ARHGAP32: variants seen among roughly 807,000 people sequenced by gnomAD.
ARHGAP32 encodes the protein rho GTPase-activating protein 32.
In ARHGAP32, 51 loss-of-function variants were observed where a neutral mutation model predicts 186.5. The ratio of observed to expected loss-of-function variants is 0.27; its 90% confidence interval spans 0.22 to 0.35. The LOEUF (loss-of-function observed/expected upper bound fraction) is 0.35, where lower values mean the gene tolerates loss of function less well. Among genes scored for constraint, ARHGAP32 ranks in the 10% least tolerant of loss-of-function variants. The pLI is 1.00. For synonymous variants in ARHGAP32, 950 were observed against 964.3 expected (o/e 0.99, Z 0.27); for missense variants, 2,186 against 2,623.5 (o/e 0.83, Z 3.64).
intron 5 of ARHGAP32, among the ~76,000 whole-genome samples, chr11:129,095,023 C>T (rs1201783167): frequency 6.6e-6 from 1 of 152,142 alleles, no homozygotes; most frequent in Non-Finnish European, 1.5e-5. Flanking sequence ...AAGATATATT[C>T]TCTATTGAGG....
intron 21 of ARHGAP32, 70 bp downstream of exon 21, chr11:128,974,054 G>A (rs774731402): frequency 1.0e-5 from 16 of 1,536,670 alleles, no homozygotes; most frequent in Non-Finnish European, 1.3e-5. Flanking sequence ...TCTCTTAAAA[G>A]GCACAGATGG....
At position 128,969,872 on chromosome 11, in the gene ARHGAP32, C is replaced by T. The variant is rs144090475; in HGVS notation, c.5341G>A (p.Gly1781Arg). Residue 1781 changes from glycine (G) to arginine (R), a missense_variant, in exon 23 of 23, where the codon GGG becomes AGG. By Grantham distance (125) the Gly-to-Arg change is moderately radical. Coordinates refer to ENST00000682385, the MANE Select transcript of ARHGAP32 (RefSeq NM_001378024.1). This position sits in a 1 kb window ranked among gnomAD's most constrained non-coding sequence, Gnocchi z 4.8. ...RESRARQKVK[G>R]PVMSQYDNMT... ...TTATCATATTGGGACATGACAGGCC[C>T]TTTCACCTTCTGCCGAGCACGGCTC... is the stretch of plus-strand genomic sequence containing the variant. 6.8e-6 allele frequency: 11 copies of T among 1,614,084 alleles called. No homozygotes were observed. The African/African-American group carries it at 1.5e-4, about 22-fold the overall frequency.
intron 10 of ARHGAP32, among the ~76,000 whole-genome samples, chr11:129,048,736 A>C (rs10893959): frequency 0.28 from 41,989 of 152,078 alleles, 6,296 homozygotes; most frequent in Middle Eastern, 0.41. Context: ...AGGGGATTAA[A>C]TTTCTTTTCC....
At chr11:129,093,369 G>A (rs1051463724) in intron 6 of ARHGAP32, among the ~76,000 whole-genome samples, 2 of 152,078 alleles carry the variant, frequency 1.3e-5, no homozygotes, top group African/African-American at 4.8e-5. Flanking sequence ...AGTGCAAAGA[G>A]GAGACATGCA....
intron 11 of ARHGAP32, among the ~76,000 whole-genome samples, chr11:129,023,443 T>A (rs1012075119): frequency 6.6e-6 from 1 of 152,130 alleles, no homozygotes; most frequent in African/African-American, 2.4e-5. Flanking sequence ...AATCAATAAT[T>A]GAAATATTAT....
intron 2 of ARHGAP32, among the ~76,000 whole-genome samples, chr11:129,128,799 G>A (rs1290387123): frequency 6.6e-6 from 1 of 152,224 alleles, no homozygotes; most frequent in Non-Finnish European, 1.5e-5. Context: ...TGGCCGGGCT[G>A]GTCTCCAGCT....
In ARHGAP32 at chr11:129,123,669, C is replaced by A; in HGVS notation, c.360-139G>T. The A allele has an allele frequency of 1.3e-6, 1 of 786,084 alleles. No homozygotes were observed. Among genetic ancestry groups the A allele is most frequent in the Non-Finnish European group, 2.1e-6 (1 of 483,572 alleles). The allele number at this position is 786,084 out of a possible 1,614,324, so 48.7% of individuals were successfully genotyped here. ...CACATGCGCATGAGCCACACATATC[C>A]GCACAAATCCTCTTAAAAATACACT... is the stretch of plus-strand genomic sequence containing the variant. On this transcript the variant is annotated intron_variant, in intron 4 of 22. Coordinates refer to ENST00000682385, the MANE Select transcript of ARHGAP32 (RefSeq NM_001378024.1). The surrounding 1 kb of genome is among the most constrained non-coding windows in gnomAD (Gnocchi z 4.6).
In ARHGAP32 at chr11:129,078,597, A is replaced by G. The variant is rs143844161; in HGVS notation, c.532-11729T>C. 4.1e-4 allele frequency among the ~76,000 whole-genome samples: 63 copies of G among 152,230 alleles called. No homozygotes were observed. The East Asian group carries it at 0.011, about 27-fold the overall frequency. ...AACCTCCGCCTCCTGGGTCCAAGTGATTCTCTCACCTCAGCCTCCCGAGTA... is the reference window on the plus strand; with the variant it reads ...AACCTCCGCCTCCTGGGTCCAAGTGGTTCTCTCACCTCAGCCTCCCGAGTA... On this transcript the variant is annotated intron_variant, in intron 6 of 22. Transcript: ENST00000682385.
At chr11:129,107,546 C>T (rs757945058) in intron 5 of ARHGAP32, among the ~76,000 whole-genome samples, 62 of 152,164 alleles carry the variant, frequency 4.1e-4, no homozygotes, top group Non-Finnish European at 8.5e-4. Context: ...ACATCAATGA[C>T]TTAATGATGG....
rs369411345 is a variant in ARHGAP32, at chr11:129,041,449, C to T, written c.964-440G>A. On this transcript the variant is annotated intron_variant, in intron 10 of 22. Coordinates refer to ENST00000682385, the MANE Select transcript of ARHGAP32 (RefSeq NM_001378024.1). ...TTTAAATCAACACTAAGCCACAACT[C>T]AAACTTTTTGTGAATTTTCTCTTCA... Among the ~76,000 whole-genome samples the T allele has an allele frequency of 8.1e-3, 1,200 of 148,754 alleles. 8 individuals are homozygous for T. The highest frequency in any genetic ancestry group is 0.031 in the South Asian group (145 of 4,716).
chr11:129,229,669 G>A (rs543354502), intron 1 of ARHGAP32, among the ~76,000 whole-genome samples: 44 of 152,166 alleles, frequency 2.9e-4, no homozygotes, highest in Non-Finnish European at 6.5e-4. Context: ...AGGGGCCACA[G>A]GAAAACCACG....
At chr11:129,235,423 A>C (rs1944915874) in intron 1 of ARHGAP32, among the ~76,000 whole-genome samples, 1 of 152,152 alleles carries the variant, frequency 6.6e-6, no homozygotes, top group African/African-American at 2.4e-5. Flanking sequence ...AATATGTGTA[A>C]CCTAGTCTAA....
chr11:128,984,233 G>A (rs753009224), intron 15 of ARHGAP32, among the ~76,000 whole-genome samples: 1 of 152,004 alleles, frequency 6.6e-6, no homozygotes, highest in Non-Finnish European at 1.5e-5. Context: ...AAATTAGCTG[G>A]GCATGGTGGT....
chr11:129,152,317 T>C (rs56391237), intron 2 of ARHGAP32, among the ~76,000 whole-genome samples: 23,016 of 152,108 alleles, frequency 0.15, 2,117 homozygotes, highest in African/African-American at 0.26. Flanking sequence ...GAAAGAAGAA[T>C]TGGTACCAAT....
intron 5 of ARHGAP32, among the ~76,000 whole-genome samples, chr11:129,094,273 T>C (rs185102832): frequency 1.3e-5 from 2 of 152,306 alleles, no homozygotes; most frequent in East Asian, 3.9e-4. Flanking sequence ...GAAGGATGGA[T>C]ACCCCATTTT....
intron 6 of ARHGAP32, among the ~76,000 whole-genome samples, chr11:129,089,400 C>A (rs1941511256): frequency 6.6e-6 from 1 of 152,118 alleles, no homozygotes; most frequent in South Asian, 2.1e-4. Context: ...TCAGAAACAG[C>A]CTTTCTAAGG....
At chr11:129,266,783 C>A (rs1278167498) in intron 1 of ARHGAP32, among the ~76,000 whole-genome samples, 5 of 152,168 alleles carry the variant, frequency 3.3e-5, no homozygotes, top group Non-Finnish European at 7.4e-5. Flanking sequence ...ATGGGGCCAG[C>A]TATGCTAAGG....
At chr11:129,010,485 G>C (rs1162183059) in intron 11 of ARHGAP32, among the ~76,000 whole-genome samples, 1 of 152,110 alleles carries the variant, frequency 6.6e-6, no homozygotes, top group Non-Finnish European at 1.5e-5. Context: ...TGTAAGGAAG[G>C]GGTCTAGTTT....
intron 11 of ARHGAP32, among the ~76,000 whole-genome samples, chr11:129,034,706 C>T (rs1591550894): frequency 1.0e-5 from 1 of 99,708 alleles, no homozygotes; most frequent in Non-Finnish European, 2.0e-5. Context: ...GATAGGACAA[C>T]AGAAAGTATC....
Sources: allele counts gnomAD v4.1 joint callset (sites outside exome capture counted in the v4.1 genomes callset), GRCh38; gene constraint gnomAD v4.1.1; non-coding constraint Gnocchi (gnomAD v3.1); transcripts MANE v1.5; gene names NCBI Gene and HGNC (gene_info 2026-07-23, HGNC 2026-07-21).